ZBTB25: variants seen among roughly 807,000 people sequenced by gnomAD.
ZBTB25 encodes the protein zinc finger and BTB domain-containing protein 25.
Under a neutral mutation model 34.2 loss-of-function variants are expected in ZBTB25, and 20 were observed. That is an observed-to-expected ratio of 0.58 (90% CI 0.41 to 0.85). The LOEUF (loss-of-function observed/expected upper bound fraction) is 0.85, where lower values mean the gene tolerates loss of function less well. ZBTB25 is among the 40% of genes least tolerant of loss of function. The probability of loss-of-function intolerance (pLI) is 0.00; values close to 1 mark genes in which losing one functional copy is unlikely to be tolerated. For missense variants in ZBTB25, 437 were observed against 521.8 expected, an observed-to-expected ratio of 0.84 and a Z score of 1.58; for synonymous variants, 175 against 186.4, an observed-to-expected ratio of 0.94 and a Z score of 0.50.
At chr14:64,466,997 A>G (rs2078618970) in intron 2 of ZBTB25, 1 of 152,232 alleles carries the variant, frequency 6.6e-6, no homozygotes. Flanking sequence ...AATAAAATAT[A>G]AAGAATTTCA....
chr14:64,459,945 A>G, intron 2 of ZBTB25: 2 of 1,529,828 alleles, frequency 1.3e-6, no homozygotes, highest in Non-Finnish European at 1.8e-6. Context: ...AATTAACATA[A>G]ATCATGCATG....
intron 2 of ZBTB25, chr14:64,470,575 G>A (rs1160279728): frequency 6.5e-6 from 1 of 154,080 alleles, no homozygotes; most frequent in Non-Finnish European, 1.5e-5. Flanking sequence ...GGGCAACAGA[G>A]CGAGACTCCT....
Position 64,487,503 on chromosome 14 carries a change from C to G in ZBTB25, c.728G>C (p.Cys243Ser). 6.2e-7 allele frequency: 1 copy of G among 1,614,066 alleles called. No individual in the cohort carries two copies. The highest frequency in any genetic ancestry group is 8.5e-7 in the Non-Finnish European group (1 of 1,179,944). Residue 243 changes from cysteine (C) to serine (S), a missense_variant, in exon 3 of 3, where the codon TGT becomes TCT. Transcript: ENST00000608382. Reference sequence around the variant, plus strand: ...ACTACGGGAATCAAAACGTTCCCCACAGTAATGGCATAAGTGTATTTTGAC... The same window carrying G: ...ACTACGGGAATCAAAACGTTCCCCAGAGTAATGGCATAAGTGTATTTTGAC... ...NSVKIHLCHY[C>S]GERFDSRSNL...
chr14:64,464,945 A>G (rs1346710003), intron 2 of ZBTB25, among the ~76,000 whole-genome samples: 1 of 152,218 alleles, frequency 6.6e-6, no homozygotes, highest in African/African-American at 2.4e-5. Context: ...CTGTTTGGCG[A>G]TGAACCACGA....
At position 64,490,576 on chromosome 14, in the gene ZBTB25, G is replaced by T. The variant is rs755458456; in HGVS notation, c.-7-36C>A. The T allele has an allele frequency of 2.6e-6, 4 of 1,546,704 alleles. No individual in the cohort carries two copies. The African/African-American group carries it at 5.5e-5, about 21-fold the overall frequency. On this transcript the variant is annotated intron_variant, in intron 1 of 2. Transcript: ENST00000608382. ...GGACAAGATAAATGTAGATAGGTGT[G>T]TATGTATATACGCATTATTTTTTAT...
chr14:64,501,867 G>GA (rs2079509646), intron 1 of ZBTB25, among the ~76,000 whole-genome samples: 1 of 152,236 alleles, frequency 6.6e-6, no homozygotes, highest in Non-Finnish European at 1.5e-5. Context: ...GAGGGCAGCT[G>GA]AAAGTCCTGC....
In ZBTB25 at chr14:64,485,194, C is replaced by G; in HGVS notation, c.*1729G>C. Reference sequence around the variant, plus strand: ...TGTGTCCTTAGAATTAGCTGGATTACTCTTTGAGCTCCCTCCTGATTGGAC... The same window carrying G: ...TGTGTCCTTAGAATTAGCTGGATTAGTCTTTGAGCTCCCTCCTGATTGGAC... On this transcript the variant is annotated 3_prime_UTR_variant, in exon 3 of 3. Transcript: ENST00000608382. 2 of 985,456 alleles carry G rather than the reference C, an allele frequency of 2.0e-6. No homozygotes were observed. The highest frequency in any genetic ancestry group is 2.4e-6 in the Non-Finnish European group (2 of 829,936). The allele number at this position is 985,456 out of a possible 1,614,324, so 61.0% of individuals were successfully genotyped here. A position where few individuals can be genotyped will look rare whatever the true frequency, so the allele number is the denominator to read the frequency against.
chr14:64,471,158 T>C (rs1240151951), intron 2 of ZBTB25: 1 of 156,250 alleles, frequency 6.4e-6, no homozygotes, highest in African/African-American at 2.7e-5. Flanking sequence ...TCTTTTCTTT[T>C]TTTTTTTTTT....
intron 2 of ZBTB25, chr14:64,455,109 A>G: frequency 1.9e-6 from 1 of 521,394 alleles, no homozygotes; most frequent in Non-Finnish European, 3.5e-6. Context: ...CTCATACTGA[A>G]TAAAAAATTC....
Position 64,468,616 on chromosome 14 carries a change from C to T in ZBTB25, c.174-18978G>A, listed in dbSNP as rs1408960857. 6 of 1,613,862 alleles carry T rather than the reference C, an allele frequency of 3.7e-6. 1 individual carries two copies. The South Asian group carries it at 6.6e-5, about 18-fold the overall frequency. On this transcript the variant is annotated intron_variant, in intron 2 of 2. Transcript: ENST00000555220. Reference sequence around the variant, plus strand: ...CAGGAGCTTCTGATCAGCCAGAGCCCACACGGGGGGCCTGGGCCTCACTCA... The same window carrying T: ...CAGGAGCTTCTGATCAGCCAGAGCCTACACGGGGGGCCTGGGCCTCACTCA...
chr14:64,476,537 G>T (rs1385132740), downstream of ZBTB25, among the ~76,000 whole-genome samples: 1 of 152,104 alleles, frequency 6.6e-6, no homozygotes, highest in Non-Finnish European at 1.5e-5. Context: ...TGGCCAGACT[G>T]GTGTCAAACA....
In ZBTB25 at chr14:64,488,009, G is replaced by C; in HGVS notation, c.222C>G (p.Ser74Arg). The C allele has an allele frequency of 6.2e-7, 1 of 1,614,020 alleles. No homozygotes were observed. The highest frequency in any genetic ancestry group is 8.5e-7 in the Non-Finnish European group (1 of 1,179,946). Residue 74 changes from serine (S) to arginine (R), a missense_variant, in exon 3 of 3, where the codon AGC (serine) becomes AGG (arginine). Ser to Arg is a moderately radical substitution (Grantham distance 110, BLOSUM62 -1). Coordinates refer to ENST00000608382, the MANE Select transcript of ZBTB25 (RefSeq NM_006977.5). ...CCGTGTACATAATGTGCAACAAATAGCTGAATATGTCAGGTTGGATGTCAG... is the reference window on the plus strand; with the variant it reads ...CCGTGTACATAATGTGCAACAAATACCTGAATATGTCAGGTTGGATGTCAG... ...QPTDIQPDIF[S>R]YLLHIMYTGK... is the part of the protein sequence containing the mutation.
At chr14:64,468,565 T>A in intron 2 of ZBTB25, 1 of 1,614,050 alleles carries the variant, frequency 6.2e-7, no homozygotes, top group Non-Finnish European at 8.5e-7. Flanking sequence ...AAGCTGCTGA[T>A]GTGGCAAGGA....
Position 64,487,462 on chromosome 14 carries a change from G to C in ZBTB25, c.769C>G (p.Leu257Val). ...FDSRSNLRQH[L>V]HTHVSGSLPF... is the part of the protein sequence containing the mutation. ...AGGGATCCAGACACATGTGTATGGA[G>C]ATGTTGCCTTAGGTTACTACGGGAA... is the stretch of plus-strand genomic sequence containing the variant. Residue 257 changes from leucine (L) to valine (V), a missense_variant, in exon 3 of 3, where the codon CTC becomes GTC. Leu to Val is a conservative substitution (Grantham distance 32). Transcript: ENST00000608382. 6.2e-7 allele frequency: 1 copy of C among 1,614,214 alleles called. No individual in the cohort carries two copies. Among genetic ancestry groups the C allele is most frequent in the Non-Finnish European group, 8.5e-7 (1 of 1,180,024 alleles).
intron 2 of ZBTB25, chr14:64,460,413 G>C (rs2078539611): frequency 6.5e-6 from 1 of 153,804 alleles, no homozygotes; most frequent in Admixed American, 6.4e-5. Context: ...CCTTAGGTGA[G>C]CCTCTATTCT....
intron 1 of ZBTB25, among the ~76,000 whole-genome samples, chr14:64,490,773 C>T (rs1014705721): frequency 6.6e-6 from 1 of 152,146 alleles, no homozygotes; most frequent in African/African-American, 2.4e-5. Flanking sequence ...AAAATATGAC[C>T]CTTTTTCATC....
chr14:64,467,230 TCTGTTACA>T (rs1004973434), intron 2 of ZBTB25: 3 of 152,240 alleles, frequency 2.0e-5, no homozygotes, highest in African/African-American at 7.2e-5. Flanking sequence ...TAATCTGAGC[TCTGTTACA>T]GCTCTGCCGT....
chr14:64,449,703 G>C, intron 2 of ZBTB25: 2 of 1,513,748 alleles, frequency 1.3e-6, no homozygotes, highest in South Asian at 2.3e-5. Flanking sequence ...TTCTATTAGA[G>C]CCCCATGCTT....
chr14:64,468,276 T>G, intron 2 of ZBTB25: 3 of 896,692 alleles, frequency 3.3e-6, no homozygotes, highest in Non-Finnish European at 5.0e-6. Flanking sequence ...AGATGAAAGG[T>G]ATGAATATGC....
Sources: allele counts gnomAD v4.1 joint callset (sites outside exome capture counted in the v4.1 genomes callset), GRCh38; gene constraint gnomAD v4.1.1; transcripts MANE v1.5; gene names NCBI Gene and HGNC (gene_info 2026-07-23, HGNC 2026-07-21).